Variants in PPA1 observed in about 807,000 individuals in gnomAD.
The protein encoded by PPA1 is inorganic pyrophosphatase.
PPA1 carries 23 observed loss-of-function variants against 41.8 expected under a neutral mutation model. The observed-to-expected ratio is 0.55, with a 90% CI of 0.40 to 0.78. The LOEUF (loss-of-function observed/expected upper bound fraction) is 0.78, where lower values mean the gene tolerates loss of function less well. Among genes scored for constraint, PPA1 ranks in the 30% least tolerant of loss-of-function variants. The pLI, the probability that PPA1 is intolerant of heterozygous loss-of-function variation, is 0.00. For missense variants in PPA1, 320 were observed against 361.6 expected (o/e 0.89, Z 0.93); for synonymous variants, 101 against 116.8 (o/e 0.86, Z 0.87).
At chr10:70,209,895 T>A (rs1236108503) in intron 6 of PPA1, 1 of 542,316 alleles carries the variant, frequency 1.8e-6, no homozygotes, top group Non-Finnish European at 3.2e-6. Flanking sequence ...CATACACATA[T>A]ACATTGAAAG....
intron 2 of PPA1, among the ~76,000 whole-genome samples, chr10:70,222,840 C>G (rs574995150): frequency 5.9e-4 from 78 of 131,900 alleles, no homozygotes; most frequent in Non-Finnish European, 8.7e-4. Context: ...CCCCTCCCCC[C>G]ACCCCACAAC....
At chr10:70,228,812 T>G (rs1432596488) in intron 2 of PPA1, among the ~76,000 whole-genome samples, 5 of 152,332 alleles carry the variant, frequency 3.3e-5, no homozygotes, top group South Asian at 2.1e-4. Flanking sequence ...AGTACAGAAC[T>G]GCAGCAAACT....
At chr10:70,230,195 C>T in intron 2 of PPA1, 146 bp downstream of exon 2, 1 of 940,050 alleles carries the variant, frequency 1.1e-6, no homozygotes, top group Non-Finnish European at 1.6e-6. Context: ...AGGCGTGAGC[C>T]ACCACGCCCA....
At chr10:70,232,698 C>A (rs1486304221) in intron 1 of PPA1, among the ~76,000 whole-genome samples, 1 of 152,154 alleles carries the variant, frequency 6.6e-6, no homozygotes, top group African/African-American at 2.4e-5. Context: ...GGCAGGAGCA[C>A]GACCGGGCCG....
chr10:70,209,858 G>A (rs549633993), intron 6 of PPA1, 173 bp from the exon 7 acceptor site: 8 of 727,862 alleles, frequency 1.1e-5, no homozygotes, highest in African/African-American at 1.1e-4. Flanking sequence ...TAACATTGGA[G>A]CGAAGCCCCT....
In PPA1 at chr10:70,209,250, C is replaced by G; in HGVS notation, c.680G>C (p.Trp227Ser). 3.1e-6 allele frequency: 5 copies of G among 1,603,558 alleles called. No homozygotes were observed. The highest frequency in any genetic ancestry group is 4.3e-6 in the Non-Finnish European group (5 of 1,170,832). Residue 227 changes from tryptophan (W) to serine (S), a missense_variant, in exon 8 of 11, where the codon TGG becomes TCG. Transcript: ENST00000373232. ...IDIIKSTHDH[W>S]KALVTKKTNG... ...CGTTTTCTTAGTCACTAATGCTTTC[C>G]AATGGTCATGAGTGCTTTTAATAAT...
intron 2 of PPA1, among the ~76,000 whole-genome samples, chr10:70,222,724 G>A (rs560325590): frequency 1.3e-5 from 2 of 152,156 alleles, no homozygotes; most frequent in East Asian, 1.9e-4. Flanking sequence ...TGTGCACAAA[G>A]TGCAGGTTTG....
chr10:70,212,295 T>A (rs1246026514), intron 6 of PPA1, among the ~76,000 whole-genome samples: 2 of 152,258 alleles, frequency 1.3e-5, no homozygotes, highest in African/African-American at 4.8e-5. Flanking sequence ...ATTACAATAC[T>A]ACTTTATTTT....
chr10:70,218,578 A>T, intron 3 of PPA1, 186 bp downstream of exon 3: 1 of 566,010 alleles, frequency 1.8e-6, no homozygotes, highest in African/African-American at 1.9e-5. Flanking sequence ...GCATATTTGT[A>T]AACAGTTGAG....
At chr10:70,231,254 G>A (rs1038801424) in intron 1 of PPA1, among the ~76,000 whole-genome samples, 14 of 152,006 alleles carry the variant, frequency 9.2e-5, no homozygotes, top group African/African-American at 2.9e-4. Flanking sequence ...TGTCCACATC[G>A]CATCCCTTCA....
intron 2 of PPA1, among the ~76,000 whole-genome samples, chr10:70,227,433 T>C (rs1233343950): frequency 6.6e-6 from 1 of 152,134 alleles, no homozygotes; most frequent in Non-Finnish European, 1.5e-5. Context: ...GCAGATCGCT[T>C]GAAACCAGGA....
intron 4 of PPA1, among the ~76,000 whole-genome samples, chr10:70,217,376 G>A (rs1056902976): frequency 2.0e-5 from 3 of 152,068 alleles, no homozygotes; most frequent in Non-Finnish European, 2.9e-5. Context: ...TCAGGGAGGC[G>A]ATATGGACGT....
chr10:70,228,498 A>G (rs1199381027), intron 2 of PPA1, among the ~76,000 whole-genome samples: 1 of 152,172 alleles, frequency 6.6e-6, no homozygotes. Flanking sequence ...ATGGTCTGAG[A>G]TGCTACAGTA....
intron 6 of PPA1, chr10:70,210,294 C>T (rs1840002176): frequency 9.4e-7 from 1 of 1,069,156 alleles, no homozygotes; most frequent in Non-Finnish European, 1.3e-6. Context: ...CCAGGCTGGT[C>T]TCAAACTCCT....
intron 10 of PPA1, chr10:70,203,979 T>C (rs779323471): frequency 6.6e-6 from 1 of 152,460 alleles, no homozygotes; most frequent in Admixed American, 6.5e-5. Flanking sequence ...CCTTCCCACG[T>C]ACACTACAGA....
intron 2 of PPA1, among the ~76,000 whole-genome samples, chr10:70,226,565 A>G: frequency 6.6e-6 from 1 of 152,212 alleles, no homozygotes; most frequent in Non-Finnish European, 1.5e-5. Context: ...AAAAAAAGAA[A>G]AAGAAAGAAA....
intron 2 of PPA1, among the ~76,000 whole-genome samples, chr10:70,221,095 T>G (rs1178309905): frequency 3.0e-4 from 17 of 55,976 alleles, no homozygotes; most frequent in African/African-American, 1.1e-3. Flanking sequence ...TTTTTTTTTT[T>G]GTAGAGATGG....
chr10:70,206,139 C>T (rs971165068), intron 9 of PPA1, 125 bp downstream of exon 9: 2 of 723,814 alleles, frequency 2.8e-6, no homozygotes, highest in African/African-American at 3.6e-5. Context: ...TTTCAAGACT[C>T]CACACAGTAA....
chr10:70,218,670 C>A, intron 3 of PPA1, 94 bp downstream of exon 3: 1 of 993,894 alleles, frequency 1.0e-6, no homozygotes. Flanking sequence ...AGAGAAAAAC[C>A]TTGACGTTCA....
Sources: gnomAD v4.1 joint callset for allele counts (sites outside exome capture counted in the v4.1 genomes callset) on GRCh38, gnomAD v4.1.1 for gene constraint, MANE v1.5 for transcripts, NCBI Gene and HGNC (gene_info 2026-07-23, HGNC 2026-07-21) for gene names.